Variants in NTRK3 observed in about 807,000 individuals in gnomAD.
The protein encoded by NTRK3 is NT-3 growth factor receptor.
NTRK3 carries 24 observed loss-of-function variants against 91.7 expected under a neutral mutation model. That is an observed-to-expected ratio of 0.26 (90% confidence interval 0.19 to 0.37). The LOEUF is 0.37. NTRK3 is among the 10% of genes least tolerant of loss of function. The probability of loss-of-function intolerance (pLI) is 1.00; values close to 1 mark genes in which losing one functional copy is unlikely to be tolerated. For missense variants in NTRK3, 880 were observed against 1,068.9 expected, an observed-to-expected ratio of 0.82 and a Z score of 2.46; for synonymous variants, 483 against 404.0, an observed-to-expected ratio of 1.20 and a Z score of -2.34.
intron 3 of NTRK3, among the ~76,000 whole-genome samples, chr15:88,191,956 G>C (rs1050501756): frequency 6.6e-6 from 1 of 152,190 alleles, no homozygotes; most frequent in African/African-American, 2.4e-5. Context: ...GGCTTGTGCC[G>C]GTGACCCCAG....
chr15:88,199,875 A>G (rs1449872357), intron 3 of NTRK3, among the ~76,000 whole-genome samples: 1 of 152,186 alleles, frequency 6.6e-6, no homozygotes, highest in Non-Finnish European at 1.5e-5. Flanking sequence ...AATGGAGTTC[A>G]GCAGGACAGC....
intron 13 of NTRK3, among the ~76,000 whole-genome samples, chr15:88,066,335 C>T (rs370062416): frequency 1.2e-4 from 19 of 152,236 alleles, no homozygotes; most frequent in East Asian, 5.8e-4. Flanking sequence ...GAGTAAGATA[C>T]TGAGATGGGA....
chr15:88,123,950 G>C (rs758336726), intron 13 of NTRK3, among the ~76,000 whole-genome samples: 5 of 152,172 alleles, frequency 3.3e-5, no homozygotes, highest in Admixed American at 6.5e-5. Context: ...AGGGTTTAAT[G>C]AGGCATGTAT....
chr15:88,011,259 G>A (rs1428049566), intron 14 of NTRK3, among the ~76,000 whole-genome samples: 1 of 152,092 alleles, frequency 6.6e-6, no homozygotes. Context: ...GCTTCTTGCT[G>A]TCTAGAATTC....
At chr15:88,078,160 C>T (rs2047720187) in intron 13 of NTRK3, among the ~76,000 whole-genome samples, 1 of 152,168 alleles carries the variant, frequency 6.6e-6, no homozygotes, top group Non-Finnish European at 1.5e-5. Flanking sequence ...CTTGACATCT[C>T]GGCACCTCCT....
At chr15:88,078,699 C>T (rs914538002) in intron 13 of NTRK3, among the ~76,000 whole-genome samples, 2 of 152,144 alleles carry the variant, frequency 1.3e-5, no homozygotes, top group Admixed American at 6.5e-5. Context: ...TAAGTGAAGG[C>T]CTCTGCCACC....
At chr15:88,094,876 C>T (rs1018515228) in intron 13 of NTRK3, among the ~76,000 whole-genome samples, 2 of 152,214 alleles carry the variant, frequency 1.3e-5, no homozygotes, top group Non-Finnish European at 2.9e-5. Flanking sequence ...TTAAATTAAG[C>T]TGTTTTAACT....
chr15:87,880,747 G>C (rs1006209232), intron 17 of NTRK3, among the ~76,000 whole-genome samples: 1 of 152,214 alleles, frequency 6.6e-6, no homozygotes, highest in Non-Finnish European at 1.5e-5. Flanking sequence ...CTAACCTTAA[G>C]AGCAAGTCCA....
At chr15:88,023,543 G>C (rs2077763851) in intron 14 of NTRK3, among the ~76,000 whole-genome samples, 1 of 152,192 alleles carries the variant, frequency 6.6e-6, no homozygotes, top group Non-Finnish European at 1.5e-5. Flanking sequence ...TTAACCAAGA[G>C]TCACCAAGAT....
At chr15:87,960,695 G>C (rs955595060) in intron 14 of NTRK3, among the ~76,000 whole-genome samples, 3 of 152,088 alleles carry the variant, frequency 2.0e-5, no homozygotes, top group African/African-American at 7.2e-5. Context: ...ATGTTGGCCA[G>C]GCTGGTCTTG....
chr15:88,180,681 TAA>T (rs3045935), intron 5 of NTRK3, among the ~76,000 whole-genome samples: 1,901 of 107,760 alleles, frequency 0.018, 45 homozygotes, highest in African/African-American at 0.06. Context: ...GCCATTACCC[TAA>T]AAAAAAAAAA....
intron 13 of NTRK3, among the ~76,000 whole-genome samples, chr15:88,060,464 A>G (rs2046116100): frequency 6.6e-6 from 1 of 151,914 alleles, no homozygotes; most frequent in Admixed American, 6.6e-5. Flanking sequence ...GCACACGTGC[A>G]AAGTCCCCAG....
chr15:88,019,241 C>T lies in NTRK3; in HGVS notation c.1585+13616G>A, dbSNP rs73460511. 2.2e-3 allele frequency among the ~76,000 whole-genome samples: 339 copies of T among 152,308 alleles called. 2 individuals are homozygous for T. The highest frequency in any genetic ancestry group is 7.8e-3 in the African/African-American group (325 of 41,558). ...CATCTTCATTCTACCCCCTGTACCC[C>T]AAGAGGCACCTGCTTACTCCTAGAG... is the stretch of plus-strand genomic sequence containing the variant. On this transcript the variant is annotated intron_variant, in intron 14 of 18. Coordinates refer to ENST00000394480, the Ensembl canonical transcript of NTRK3.
chr15:87,880,414 G>A, exon 18 of NTRK3: 6 of 1,614,092 alleles, frequency 3.7e-6, no homozygotes, highest in Non-Finnish European at 5.1e-6. Context: ...TGGGGAGCAT[G>A]GTGTGTCCTC....
intron 17 of NTRK3, among the ~76,000 whole-genome samples, chr15:87,913,404 T>C (rs951578296): frequency 6.6e-6 from 1 of 152,128 alleles, no homozygotes; most frequent in African/African-American, 2.4e-5. Context: ...AATCCCTGAA[T>C]TGAGAGCACT....
At chr15:87,956,810 G>T (rs1027510727) in intron 14 of NTRK3, among the ~76,000 whole-genome samples, 6 of 152,130 alleles carry the variant, frequency 3.9e-5, no homozygotes, top group Non-Finnish European at 8.8e-5. Flanking sequence ...GACCTCAGGT[G>T]ATCCACCCGC....
chr15:88,174,670 C>T (rs1248473966), intron 5 of NTRK3, among the ~76,000 whole-genome samples: 1 of 152,252 alleles, frequency 6.6e-6, no homozygotes, highest in Non-Finnish European at 1.5e-5. Flanking sequence ...GCTGTGCACA[C>T]CCCATGGTAA....
intron 17 of NTRK3, chr15:87,925,441 G>GCACACACACA (rs61582719): frequency 0.066 from 11,984 of 180,762 alleles, 740 homozygotes; most frequent in African/African-American, 0.18. Context: ...ACACGTGTAT[G>GCACACACACA]CACACACACA....
exon 19 of NTRK3, chr15:87,870,897 A>T (rs181408501): frequency 6.1e-5 from 14 of 228,790 alleles, no homozygotes; most frequent in Admixed American, 5.1e-4. Flanking sequence ...AATGTGGGTC[A>T]CGACACTGAA....
Sources: gnomAD v4.1 joint callset for allele counts (sites outside exome capture counted in the v4.1 genomes callset) on GRCh38, gnomAD v4.1.1 for gene constraint, MANE v1.5 for transcripts, NCBI Gene and HGNC (gene_info 2026-07-23, HGNC 2026-07-21) for gene names.